CHRM4: variants seen among roughly 807,000 people sequenced by gnomAD.
CHRM4 encodes muscarinic acetylcholine receptor M4.
In CHRM4, 5 loss-of-function variants were observed where a neutral mutation model predicts 26.3. That is an observed-to-expected ratio of 0.19 (90% CI 0.10 to 0.40). The LOEUF (loss-of-function observed/expected upper bound fraction) is 0.40, where lower values mean the gene tolerates loss of function less well. Among genes scored for constraint, CHRM4 ranks in the 10% least tolerant of loss-of-function variants. CHRM4 has a pLI of 1.00. For missense variants in CHRM4, 402 were observed against 664.5 expected, an observed-to-expected ratio of 0.60 and a Z score of 4.34; for synonymous variants, 290 against 285.3, an observed-to-expected ratio of 1.02 and a Z score of -0.16.
Position 46,386,695 on chromosome 11 carries a change from T to A in CHRM4, c.-29-109A>T. ...GAGGGACATTCTCTGGCAGAATGCC[T>A]TGAGAGAACTCTGTCCCGCCATCCC... On this transcript the variant is annotated intron_variant, in intron 1 of 1. Transcript: ENST00000682254. This position sits in a 1 kb window ranked among gnomAD's most constrained non-coding sequence, Gnocchi z 5.8. The A allele has an allele frequency of 9.2e-7, 1 of 1,086,190 alleles. No homozygotes were observed. Among genetic ancestry groups the A allele is most frequent in the Non-Finnish European group, 1.3e-6 (1 of 763,042 alleles). The allele number at this position is 1,086,190 out of a possible 1,614,324, so 67.3% of individuals were successfully genotyped here.
rs879526019 is a variant in CHRM4 at position 46,385,043 on chromosome 11, C to A, written c.*75G>T. The A allele has an allele frequency of 1.4e-6, 2 of 1,478,402 alleles. No homozygotes were observed. The highest frequency in any genetic ancestry group is 4.5e-5 in the Admixed American group (2 of 44,712). The allele number at this position is 1,478,402 out of a possible 1,614,324, so 91.6% of individuals were successfully genotyped here. On this transcript the variant is annotated 3_prime_UTR_variant, in exon 2 of 2. Transcript: ENST00000682254. This position sits in a 1 kb window ranked among gnomAD's most constrained non-coding sequence, Gnocchi z 6.3. ...GCAGAATGGTGCCTGCAACTCTTCC[C>A]CACAGCAAGTGAGCCGTGTGGTCCC...
rs201291651 is a variant in CHRM4, at chr11:46,386,075, G to A, written c.483C>T (p.Phe161=). 3.3e-5 allele frequency: 54 copies of A among 1,613,274 alleles called. No homozygotes were observed. The highest frequency in any genetic ancestry group is 1.3e-4 in the Admixed American group (8 of 59,916). Residue 161 remains phenylalanine, a synonymous_variant, in exon 2 of 2, where the codon TTC becomes TTT. Transcript: ENST00000682254. This position sits in a 1 kb window ranked among gnomAD's most constrained non-coding sequence, Gnocchi z 5.8. ...LMIAAAWVLS[F]VLWAPAILFW... Reference sequence around the variant, plus strand: ...ACAAGATGGCAGGCGCCCAGAGCACGAAGGACAGTACCCAGGCAGCAGCAA... The same window carrying A: ...ACAAGATGGCAGGCGCCCAGAGCACAAAGGACAGTACCCAGGCAGCAGCAA...
At chr11:46,388,622 G>A (rs868279845) in intron 1 of CHRM4, among the ~76,000 whole-genome samples, 2 of 152,312 alleles carry the variant, frequency 1.3e-5, no homozygotes, top group South Asian at 2.1e-4. Context: ...GTCACACAAC[G>A]AGTCAAGGGC....
Position 46,385,799 on chromosome 11 carries a change from G to T in CHRM4, c.759C>A (p.Ser253Arg). 6.3e-7 allele frequency: 1 copy of T among 1,595,858 alleles called. No individual in the cohort carries two copies. The change falls in exon 2 of 2, where the codon AGC becomes AGA. Residue 253 changes from serine to arginine, a missense_variant. Coordinates refer to ENST00000682254, the MANE Select transcript of CHRM4 (RefSeq NM_000741.5). This position sits in a 1 kb window ranked among gnomAD's most constrained non-coding sequence, Gnocchi z 6.3. ...AFLKSPLMKQ[S>R]VKKPPPGEAA... ...CCTCCCCGGGCGGGGGCTTCTTGAC[G>T]CTCTGCTTCATTAGTGGGCTCTTGA...
rs1945390094 is a variant in CHRM4 at position 46,391,322 on chromosome 11, G to T, written c.-30+209C>A. ...GGTCCCACCCCCGACGGCTGCCCCTGGCTCCGTGGGGTCTGTGGGCGGGCA... is the reference window on the plus strand; with the variant it reads ...GGTCCCACCCCCGACGGCTGCCCCTTGCTCCGTGGGGTCTGTGGGCGGGCA... On this transcript the variant is annotated intron_variant, in intron 1 of 1. Coordinates refer to ENST00000682254, the MANE Select transcript of CHRM4 (RefSeq NM_000741.5). The surrounding 1 kb of genome is among the most constrained non-coding windows in gnomAD (Gnocchi z 6.3). 6.6e-6 allele frequency among the ~76,000 whole-genome samples: 1 copy of T among 152,046 alleles called. No individual in the cohort carries two copies. Among genetic ancestry groups the T allele is most frequent in the Admixed American group, 6.5e-5 (1 of 15,288 alleles).
rs1945310495 is a variant in CHRM4, at chr11:46,384,407, C to T, written c.*711G>A. 2.0e-5 allele frequency among the ~76,000 whole-genome samples: 3 copies of T among 152,336 alleles called. No homozygotes were observed. In the South Asian group the frequency reaches 6.2e-4, roughly 32 times the overall value. On this transcript the variant is annotated 3_prime_UTR_variant, in exon 2 of 2. Transcript: ENST00000682254. ...CTGGGACAGCCTTCTAAGGCCGGGG[C>T]TGCAGGGGGCTGTCTTCTGAATACG... is the stretch of plus-strand genomic sequence containing the variant.
Position 46,385,505 on chromosome 11 carries a change from A to G in CHRM4, c.1053T>C (p.Asn351=), listed in dbSNP as rs753069194. Residue 351 remains asparagine, a synonymous_variant, in exon 2 of 2, where the codon AAT becomes AAC. Coordinates refer to ENST00000682254, the MANE Select transcript of CHRM4 (RefSeq NM_000741.5). This position sits in a 1 kb window ranked among gnomAD's most constrained non-coding sequence, Gnocchi z 6.3. ...KIQIVTKQTG[N]ECVTAIEIVP... is the part of the protein sequence containing the mutation. The stretch of plus-strand genomic sequence containing the variant: ...CAATCTCAATGGCTGTCACACACTC[A>G]TTGCCTGTCTGCTTCGTCACAATCT... 8 of 1,589,908 alleles carry G rather than the reference A, an allele frequency of 5.0e-6. No individual in the cohort carries two copies. The highest frequency in any genetic ancestry group is 1.3e-5 in the African/African-American group (1 of 74,502).
At position 46,385,108 on chromosome 11, in the gene CHRM4, T is replaced by A; in HGVS notation, c.*10A>T. 1 of 1,597,890 alleles carries A rather than the reference T, an allele frequency of 6.3e-7. No homozygotes were observed. The highest frequency in any genetic ancestry group is 8.6e-7 in the Non-Finnish European group (1 of 1,168,922). ...GCAACACCAGCACCTCCTAGGGCAC[T>A]CCTGCCTGCCTACCTGGCAGTGCCG... On this transcript the variant is annotated 3_prime_UTR_variant, in exon 2 of 2. Coordinates refer to ENST00000682254, the MANE Select transcript of CHRM4 (RefSeq NM_000741.5). The surrounding 1 kb of genome is among the most constrained non-coding windows in gnomAD (Gnocchi z 6.3).
chr11:46,389,557 T>A (rs973535735), intron 1 of CHRM4, among the ~76,000 whole-genome samples: 3 of 152,202 alleles, frequency 2.0e-5, no homozygotes, highest in Non-Finnish European at 4.4e-5. Flanking sequence ...GCCGGGGCTG[T>A]GCGCACCGCT....
Position 46,391,767 on chromosome 11 carries a change from G to A in CHRM4, c.-266C>T, listed in dbSNP as rs1945396756. Among the ~76,000 whole-genome samples, 1 of 150,662 alleles carries A rather than the reference G, an allele frequency of 6.6e-6. No individual in the cohort carries two copies. ...GCCCCTGCTCCGCCCGCAGCTCCCGGCGCTGTGGCTCCGACTCGCGCTCAC... is the reference window on the plus strand; with the variant it reads ...GCCCCTGCTCCGCCCGCAGCTCCCGACGCTGTGGCTCCGACTCGCGCTCAC... On this transcript the variant is annotated 5_prime_UTR_variant, in exon 1 of 2. Coordinates refer to ENST00000682254, the MANE Select transcript of CHRM4 (RefSeq NM_000741.5). This position sits in a 1 kb window ranked among gnomAD's most constrained non-coding sequence, Gnocchi z 6.3.
chr11:46,390,379 G>C (rs1009795698), intron 1 of CHRM4, among the ~76,000 whole-genome samples: 1 of 152,178 alleles, frequency 6.6e-6, no homozygotes, highest in African/African-American at 2.4e-5. Flanking sequence ...TGCGAGAGTC[G>C]CCCAACCTGG....
chr11:46,388,818 A>G (rs779204448), intron 1 of CHRM4, among the ~76,000 whole-genome samples: 54 of 152,356 alleles, frequency 3.5e-4, no homozygotes, highest in Non-Finnish European at 6.6e-4. Context: ...GCCAGCCCCA[A>G]GGAAACTCAC....
rs1288316225 is a variant in CHRM4 at position 46,391,399 on chromosome 11, G to C, written c.-30+132C>G. ...CCCACCCCTTCCCACGGGCGCACCC[G>C]GGCGCACCTGGAGAAGCCTCCGAGA... is the stretch of plus-strand genomic sequence containing the variant. On this transcript the variant is annotated intron_variant, in intron 1 of 1. Transcript: ENST00000682254. The surrounding 1 kb of genome is among the most constrained non-coding windows in gnomAD (Gnocchi z 6.3). 6.6e-6 allele frequency among the ~76,000 whole-genome samples: 1 copy of C among 151,566 alleles called. No individual in the cohort carries two copies. Among genetic ancestry groups the C allele is most frequent in the Non-Finnish European group, 1.5e-5 (1 of 67,870 alleles).
chr11:46,386,361 ACTGT>A lies in CHRM4; in HGVS notation c.193_196del (p.Thr65SerfsTer16). On this transcript the variant is annotated frameshift_variant, in exon 2 of 2. Coordinates refer to ENST00000682254, the MANE Select transcript of CHRM4 (RefSeq NM_000741.5). LOFTEE classifies it high-confidence loss of function. The surrounding 1 kb of genome is among the most constrained non-coding windows in gnomAD (Gnocchi z 5.8). ...CAGGCTGAAGAGGAAGTAGTTGTTG[ACTGT>A]CTGCAGCTGCCTGTTGACCTTGATG... 6.2e-7 allele frequency: 1 copy of A among 1,613,954 alleles called. No individual in the cohort carries two copies. The highest frequency in any genetic ancestry group is 8.5e-7 in the Non-Finnish European group (1 of 1,179,924).
intron 1 of CHRM4, among the ~76,000 whole-genome samples, chr11:46,389,428 G>A (rs1453292490): frequency 6.6e-6 from 1 of 152,236 alleles, no homozygotes; most frequent in Non-Finnish European, 1.5e-5. Context: ...CCCCGACTCC[G>A]CCCCGCCCCA....
Position 46,385,685 on chromosome 11 carries a change from G to T in CHRM4, c.873C>A (p.Asp291Glu). The change falls in exon 2 of 2, where the codon GAC becomes GAA. Residue 291 changes from aspartate (D) to glutamate (E), a missense_variant. By Grantham distance (45) the Asp-to-Glu change is conservative (BLOSUM62 2). Around this residue, in one of 5 missense-constraint regions of CHRM4, gnomAD observed 205 missense variants for 244.0 expected, o/e 0.84. Transcript: ENST00000682254. The surrounding 1 kb of genome is among the most constrained non-coding windows in gnomAD (Gnocchi z 6.3). The part of the protein sequence containing the change: ...PPPPRPVADK[D>E]TSNESSSGSA... ...TGCCTGAGCTGGACTCATTGGAAGT[G>T]TCCTTATCAGCCACGGGGCGCGGTG... 1 of 1,548,514 alleles carries T rather than the reference G, an allele frequency of 6.5e-7. No individual in the cohort carries two copies.
At position 46,386,357 on chromosome 11, in the gene CHRM4, G is replaced by A; in HGVS notation, c.201C>T (p.Asn67=). The A allele has an allele frequency of 6.2e-7, 1 of 1,614,040 alleles. No individual in the cohort carries two copies. ...ACGCCAGGCTGAAGAGGAAGTAGTT[G>A]TTGACTGTCTGCAGCTGCCTGTTGA... is the stretch of plus-strand genomic sequence containing the variant. The part of the protein sequence containing the change: ...IKVNRQLQTV[N]NYFLFSLACA... Residue 67 remains asparagine (N), a synonymous_variant, in exon 2 of 2, where the codon AAC becomes AAT. Coordinates refer to ENST00000682254, the MANE Select transcript of CHRM4 (RefSeq NM_000741.5). This position sits in a 1 kb window ranked among gnomAD's most constrained non-coding sequence, Gnocchi z 5.8.
In CHRM4 at chr11:46,386,603, G is replaced by C; in HGVS notation, c.-29-17C>G. 1 of 1,590,186 alleles carries C rather than the reference G, an allele frequency of 6.3e-7. No individual in the cohort carries two copies. The highest frequency in any genetic ancestry group is 2.2e-5 in the East Asian group (1 of 44,556). ...AGGCCGTGTCTGGGGAGGAAGGGGAGAGAAAAGCATGAACTACAGGAGGGA... is the reference window on the plus strand; with the variant it reads ...AGGCCGTGTCTGGGGAGGAAGGGGACAGAAAAGCATGAACTACAGGAGGGA... On this transcript the variant is annotated splice_polypyrimidine_tract_variant and intron_variant, in intron 1 of 1. Transcript: ENST00000682254. The surrounding 1 kb of genome is among the most constrained non-coding windows in gnomAD (Gnocchi z 5.8).
rs1224372919 is a variant in CHRM4, at chr11:46,385,755, C to T, written c.803G>A (p.Arg268His). 9 of 1,596,352 alleles carry T rather than the reference C, an allele frequency of 5.6e-6. No individual in the cohort carries two copies. The highest frequency in any genetic ancestry group is 1.3e-5 in the African/African-American group (1 of 74,388). The change falls in exon 2 of 2, where the codon CGC (arginine) becomes CAC (histidine). Residue 268 changes from arginine to histidine, a missense_variant. Coordinates refer to ENST00000682254, the MANE Select transcript of CHRM4 (RefSeq NM_000741.5). This position sits in a 1 kb window ranked among gnomAD's most constrained non-coding sequence, Gnocchi z 6.3. ...GGGGGCCTCCTCCAGCTTGCCATTG[C>T]GCAGCTCCTCCCGGGCGGCCTCCCC... ...PPGEAAREEL[R>H]NGKLEEAPPP...
Sources: gnomAD v4.1 joint callset for allele counts (sites outside exome capture counted in the v4.1 genomes callset) on GRCh38, gnomAD v4.1.1 for gene constraint, gnomAD v4.1.1 regional missense constraint, Gnocchi (gnomAD v3.1) non-coding constraint, MANE v1.5 for transcripts, NCBI Gene and HGNC (gene_info 2026-07-23, HGNC 2026-07-21) for gene names.